The following AGMO variants were observed in gnomAD, a reference collection of about 807,000 sequenced individuals.
AGMO encodes the protein glyceryl-ether monooxygenase.
AGMO carries 75 observed loss-of-function variants against 60.2 expected under a neutral mutation model. The ratio of observed to expected loss-of-function variants is 1.25; its 90% CI spans 1.03 to 1.51. The LOEUF (loss-of-function observed/expected upper bound fraction) is 1.51. Among genes scored for constraint, AGMO ranks in the 40% most tolerant of loss-of-function variants. The probability of loss-of-function intolerance (pLI) is 0.00; values close to 1 mark genes in which losing one functional copy is unlikely to be tolerated. For missense variants in AGMO, 763 were observed against 525.5 expected (o/e 1.45, Z -4.42); for synonymous variants, 261 against 177.1 (o/e 1.47, Z -3.76).
chr7:15,424,001 A>G (rs1583536982), intron 4 of AGMO, among the ~76,000 whole-genome samples: 1 of 152,178 alleles, frequency 6.6e-6, no homozygotes, highest in African/African-American at 2.4e-5. Flanking sequence ...CCTAAAATGT[A>G]TTATATTTTT....
At chr7:15,241,988 A>G (rs1367609300) in intron 12 of AGMO, among the ~76,000 whole-genome samples, 2 of 152,102 alleles carry the variant, frequency 1.3e-5, no homozygotes, top group African/African-American at 2.4e-5. Context: ...TCCTCCCTCA[A>G]TCTTATAAGT....
intron 12 of AGMO, among the ~76,000 whole-genome samples, chr7:15,236,823 T>C (rs143842401): frequency 3.0e-4 from 46 of 152,094 alleles, no homozygotes; most frequent in African/African-American, 1.1e-3. Context: ...GCTCACCTGA[T>C]ACTATGATTA....
At chr7:15,397,748 C>T (rs1784451269) in intron 5 of AGMO, among the ~76,000 whole-genome samples, 1 of 152,176 alleles carries the variant, frequency 6.6e-6, no homozygotes, top group African/African-American at 2.4e-5. Flanking sequence ...CAATGGAGCT[C>T]ATTTATACAC....
At chr7:15,352,446 T>C (rs1583442690) in intron 12 of AGMO, among the ~76,000 whole-genome samples, 1 of 149,138 alleles carries the variant, frequency 6.7e-6, no homozygotes, top group Non-Finnish European at 1.5e-5. Flanking sequence ...TCCAGAAGTA[T>C]GTTTTTTTTT....
chr7:15,141,241 TTTTGTC>T, the AGMO span, among the ~76,000 whole-genome samples: 7 of 152,086 alleles, frequency 4.6e-5, no homozygotes, highest in Admixed American at 4.6e-4. Context: ...TGGTTTATGG[TTTTGTC>T]TTCTTGGAGA....
At chr7:15,211,591 A>T (rs1006782559) in intron 12 of AGMO, among the ~76,000 whole-genome samples, 2 of 151,806 alleles carry the variant, frequency 1.3e-5, no homozygotes, top group Non-Finnish European at 2.9e-5. Flanking sequence ...AAGCCTTTTG[A>T]AACACATTTT....
chr7:15,224,901 T>A (rs1398716991), intron 12 of AGMO, among the ~76,000 whole-genome samples: 1 of 152,030 alleles, frequency 6.6e-6, no homozygotes, highest in African/African-American at 2.4e-5. Context: ...ATTGGCACAA[T>A]TTCAAATTTT....
intron 3 of AGMO, among the ~76,000 whole-genome samples, chr7:15,436,149 G>A (rs1781397575): frequency 6.6e-6 from 1 of 152,176 alleles, no homozygotes; most frequent in Admixed American, 6.6e-5. Flanking sequence ...CATATTGCTA[G>A]CACTTTATGC....
rs987980980 is a variant in AGMO at position 15,276,587 on chromosome 7, C to CA, written c.1264-75229dup. ...TGAATCTGGATGTCTACATCTCTAG[C>CA]AAAATCAAGAAAATTTTTCTTCATT... On this transcript the variant is annotated intron_variant, in intron 12 of 12. Coordinates refer to ENST00000342526, the MANE Select transcript of AGMO (RefSeq NM_001004320.2). 3.3e-5 allele frequency among the ~76,000 whole-genome samples: 5 copies of CA among 152,230 alleles called. No individual in the cohort carries two copies. The East Asian group carries it at 9.6e-4, about 29-fold the overall frequency.
At chr7:15,294,824 ATAATT>A (rs1784367833) in intron 12 of AGMO, among the ~76,000 whole-genome samples, 1 of 151,980 alleles carries the variant, frequency 6.6e-6, no homozygotes, top group African/African-American at 2.4e-5. Flanking sequence ...GCTGCATATG[ATAATT>A]TAATACATTA....
intron 2 of AGMO, among the ~76,000 whole-genome samples, chr7:15,546,885 T>C (rs141855701): frequency 3.3e-3 from 499 of 152,328 alleles, no homozygotes; most frequent in Middle Eastern, 0.01. Context: ...GACAGGATAA[T>C]TCTTTGTTGG....
intron 3 of AGMO, among the ~76,000 whole-genome samples, chr7:15,517,967 A>C (rs1783865530): frequency 6.6e-6 from 1 of 152,094 alleles, no homozygotes; most frequent in Non-Finnish European, 1.5e-5. Flanking sequence ...TTGACCTGGG[A>C]CACTCGAGCT....
intron 12 of AGMO, among the ~76,000 whole-genome samples, chr7:15,269,149 T>C (rs1397623064): frequency 6.6e-6 from 1 of 152,084 alleles, no homozygotes; most frequent in Non-Finnish European, 1.5e-5. Context: ...TTACTAAAAG[T>C]GGTTGTACTC....
chr7:15,385,372 T>G, intron 10 of AGMO, 74 bp downstream of exon 10: 3 of 1,011,762 alleles, frequency 3.0e-6, no homozygotes, highest in Non-Finnish European at 3.0e-6. Flanking sequence ...AGCCTTAATA[T>G]GGGGAGCTTA....
chr7:15,307,904 G>C (rs1398213341), intron 12 of AGMO, among the ~76,000 whole-genome samples: 1 of 152,122 alleles, frequency 6.6e-6, no homozygotes, highest in East Asian at 1.9e-4. Context: ...CAGTAAACAA[G>C]TGTGATGGAG....
Position 15,390,682 on chromosome 7 carries a change from T to G in AGMO, c.811A>C (p.Ile271Leu), listed in dbSNP as rs1227647870. The G allele has an allele frequency of 6.3e-7, 1 of 1,597,772 alleles. No homozygotes were observed. The highest frequency in any genetic ancestry group is 8.5e-7 in the Non-Finnish European group (1 of 1,170,366). Reference sequence around the variant, plus strand: ...AACAAGTATGTTACCTGCACTTTGATTGGTTCAAATGTATTAATGGGATGT... The same window carrying G: ...AACAAGTATGTTACCTGCACTTTGAGTGGTTCAAATGTATTAATGGGATGT... ...LTHPINTFEP[I>L]KVQFHHLFSI... Residue 271 changes from isoleucine to leucine, a missense_variant, in exon 8 of 13, where the codon ATC becomes CTC. By Grantham distance (5) the Ile-to-Leu change is conservative. Coordinates refer to ENST00000342526, the MANE Select transcript of AGMO (RefSeq NM_001004320.2).
intron 3 of AGMO, among the ~76,000 whole-genome samples, chr7:15,523,253 C>T (rs1784048231): frequency 6.6e-6 from 1 of 152,174 alleles, no homozygotes; most frequent in Non-Finnish European, 1.5e-5. Context: ...ATTAGTTCAT[C>T]CATTGTGGAA....
chr7:15,283,091 C>A (rs543326293), intron 12 of AGMO, among the ~76,000 whole-genome samples: 1 of 152,046 alleles, frequency 6.6e-6, no homozygotes, highest in Non-Finnish European at 1.5e-5. Context: ...AAAAGTAGTT[C>A]TAAATGTTGA....
chr7:15,158,252 A>T, the AGMO span, among the ~76,000 whole-genome samples: 2 of 152,244 alleles, frequency 1.3e-5, no homozygotes, highest in South Asian at 4.1e-4. Flanking sequence ...AGGAATATGC[A>T]TCTAGCAACC....
Sources: gnomAD v4.1 joint callset for allele counts (sites outside exome capture counted in the v4.1 genomes callset) on GRCh38, gnomAD v4.1.1 for gene constraint, MANE v1.5 for transcripts, NCBI Gene and HGNC (gene_info 2026-07-23, HGNC 2026-07-21) for gene names.